Variants in HTT-AS observed in about 807,000 individuals in gnomAD.
The protein encoded by HTT-AS is HTT antisense RNA.
chr4:3,047,226 G>C (rs1253732042), downstream of HTT-AS, among the ~76,000 whole-genome samples: 1 of 152,112 alleles, frequency 6.6e-6, no homozygotes, highest in African/African-American at 2.4e-5. Context: ...CAGGAGAATG[G>C]CATGAACCCG....
At chr4:3,053,352 G>A (rs1711747645) in intron 2 of HTT-AS, among the ~76,000 whole-genome samples, 1 of 152,140 alleles carries the variant, frequency 6.6e-6, no homozygotes, top group Non-Finnish European at 1.5e-5. Flanking sequence ...GGCCAACCAG[G>A]CGAAACCCCG....
chr4:3,068,198 C>G (rs28394705), intron 1 of HTT-AS, among the ~76,000 whole-genome samples: 8,767 of 146,100 alleles, frequency 0.06, 446 homozygotes, highest in African/African-American at 0.14. Context: ...CCCAGCTACT[C>G]GGGAGGCTGA....
At chr4:3,047,279 CCAGCCTGGGTGA>C (rs1298615525), downstream of HTT-AS, among the ~76,000 whole-genome samples, 1 of 151,998 alleles carries the variant, frequency 6.6e-6, no homozygotes, top group East Asian at 1.9e-4. Flanking sequence ...CCACTGCCCT[CCAGCCTGGGTGA>C]CAGAGCGAGA....
chr4:3,047,257 G>C (rs1356543427), downstream of HTT-AS, among the ~76,000 whole-genome samples: 1 of 152,182 alleles, frequency 6.6e-6, no homozygotes, highest in Non-Finnish European at 1.5e-5. Context: ...CTTGCAGTGA[G>C]CCGAGATTGC....
chr4:3,064,770 C>G (rs1012936838), intron 1 of HTT-AS, among the ~76,000 whole-genome samples: 3 of 152,172 alleles, frequency 2.0e-5, no homozygotes, highest in Non-Finnish European at 4.4e-5. Context: ...ATATTCCAGA[C>G]TCTAGAAAAA....
At chr4:3,055,254 C>T (rs1015865722) in intron 2 of HTT-AS, among the ~76,000 whole-genome samples, 4 of 151,308 alleles carry the variant, frequency 2.6e-5, no homozygotes, top group South Asian at 2.1e-4. Context: ...GCTGTGATGG[C>T]GCCACTGCAC....
intron 2 of HTT-AS, among the ~76,000 whole-genome samples, chr4:3,056,937 C>A (rs1218449130): frequency 6.6e-6 from 1 of 152,182 alleles, no homozygotes; most frequent in Admixed American, 6.5e-5. Flanking sequence ...CAGCCCCTGG[C>A]AATTACCATT....
chr4:3,062,934 T>C (rs1711969961), exon 2 of HTT-AS, among the ~76,000 whole-genome samples: 1 of 152,132 alleles, frequency 6.6e-6, no homozygotes, highest in African/African-American at 2.4e-5. Context: ...TTTAGAGTTC[T>C]TGCTCAGGAA....
downstream of HTT-AS, among the ~76,000 whole-genome samples, chr4:3,047,874 T>G (rs1711624362): frequency 6.6e-6 from 1 of 152,208 alleles, no homozygotes; most frequent in Non-Finnish European, 1.5e-5. Context: ...AGTGCTAAAG[T>G]CTTTGAAATG....
intron 2 of HTT-AS, among the ~76,000 whole-genome samples, chr4:3,056,985 T>G (rs1234001084): frequency 6.6e-6 from 1 of 152,110 alleles, no homozygotes; most frequent in African/African-American, 2.4e-5. Flanking sequence ...ACTCTACATC[T>G]CCTGTCTCAG....
chr4:3,061,575 G>A (rs577053533), intron 2 of HTT-AS, among the ~76,000 whole-genome samples: 168 of 151,768 alleles, frequency 1.1e-3, no homozygotes, highest in Admixed American at 3.0e-3. Context: ...CCAGCTACTC[G>A]GGAGGCTGAG....
chr4:3,061,272 C>T (rs1343783465), intron 2 of HTT-AS, among the ~76,000 whole-genome samples: 13 of 152,212 alleles, frequency 8.5e-5, no homozygotes, highest in Admixed American at 5.9e-4. Context: ...ACATTGGTTC[C>T]GTCCAGAAAG....
chr4:3,057,869 C>T (rs984435323), intron 2 of HTT-AS, among the ~76,000 whole-genome samples: 11 of 151,778 alleles, frequency 7.2e-5, no homozygotes, highest in South Asian at 2.1e-4. Flanking sequence ...GTGATCCGCC[C>T]GCCTCAGCCT....
intron 2 of HTT-AS, among the ~76,000 whole-genome samples, chr4:3,055,422 T>A (rs913941588): frequency 3.3e-5 from 5 of 152,140 alleles, no homozygotes; most frequent in African/African-American, 1.2e-4. Context: ...TTAGGTAAAA[T>A]GTACCCCATT....
intron 1 of HTT-AS, among the ~76,000 whole-genome samples, chr4:3,070,691 G>A (rs1244090062): frequency 6.6e-6 from 1 of 152,142 alleles, no homozygotes; most frequent in Admixed American, 6.5e-5. Flanking sequence ...GCCTTTCCCT[G>A]TGTCACAAGT....
At chr4:3,065,243 TTC>T (rs10544976) in intron 1 of HTT-AS, among the ~76,000 whole-genome samples, 4,041 of 151,778 alleles carry the variant, frequency 0.027, 141 homozygotes, top group African/African-American at 0.088. Context: ...AGTTTCTTTC[TTC>T]TTTTTTTTTT....
chr4:3,069,170 G>A (rs1166095660), intron 1 of HTT-AS, among the ~76,000 whole-genome samples: 1 of 150,884 alleles, frequency 6.6e-6, no homozygotes, highest in Non-Finnish European at 1.5e-5. Flanking sequence ...TTTTGAGATG[G>A]AGTCTCACTT....
At chr4:3,059,382 T>C (rs1402263787) in intron 2 of HTT-AS, among the ~76,000 whole-genome samples, 1 of 152,174 alleles carries the variant, frequency 6.6e-6, no homozygotes, top group Non-Finnish European at 1.5e-5. Flanking sequence ...ACCTGCACCA[T>C]TTGTGAATTG....
At chr4:3,062,514 C>T (rs1417060810) in exon 2 of HTT-AS, among the ~76,000 whole-genome samples, 1 of 152,098 alleles carries the variant, frequency 6.6e-6, no homozygotes, top group African/African-American at 2.4e-5. Context: ...CAAACACCTC[C>T]CCTCTGCGGC....
Sources: gnomAD v4.1 joint callset for allele counts (sites outside exome capture counted in the v4.1 genomes callset) on GRCh38, gnomAD v4.1.1 for gene constraint, MANE v1.5 for transcripts, NCBI Gene and HGNC (gene_info 2026-07-23, HGNC 2026-07-21) for gene names.